COP1: variants seen among roughly 807,000 people sequenced by gnomAD.
COP1 encodes the protein COP1 E3 ubiquitin ligase.
In COP1, 24 loss-of-function variants were observed where a neutral mutation model predicts 101.3. The ratio of observed to expected loss-of-function variants is 0.24; its 90% confidence interval spans 0.17 to 0.33. The LOEUF (loss-of-function observed/expected upper bound fraction) is 0.33, where lower values mean the gene tolerates loss of function less well. COP1 is among the 10% of genes least tolerant of loss of function. The pLI is 1.00. For missense variants in COP1, 663 were observed against 906.2 expected (o/e 0.73, Z 3.45); for synonymous variants, 347 against 341.9 (o/e 1.01, Z -0.17).
chr1:175,948,860 G>A (rs1412934878), intron 18 of COP1, among the ~76,000 whole-genome samples: 1 of 152,020 alleles, frequency 6.6e-6, no homozygotes, highest in Non-Finnish European at 1.5e-5. Context: ...ATTAGCAAAT[G>A]TTCTTAAAAA....
chr1:176,143,752 C>T (rs1455391909), intron 6 of COP1, among the ~76,000 whole-genome samples: 1 of 151,922 alleles, frequency 6.6e-6, no homozygotes, highest in Non-Finnish European at 1.5e-5. Flanking sequence ...ACTAAGACAC[C>T]CCTGGGCCAA....
intron 15 of COP1, among the ~76,000 whole-genome samples, chr1:175,997,096 G>T (rs1050383078): frequency 7.2e-5 from 11 of 151,912 alleles, no homozygotes; most frequent in Non-Finnish European, 1.0e-4. Context: ...ATAATGCCGC[G>T]TACCTACAAC....
intron 11 of COP1, among the ~76,000 whole-genome samples, chr1:176,063,804 G>A (rs1188707382): frequency 6.6e-6 from 1 of 152,122 alleles, no homozygotes; most frequent in Non-Finnish European, 1.5e-5. Context: ...ATACATACCA[G>A]AACTTGTTAT....
At chr1:176,143,032 CAGAG>C (rs1433771839) in intron 6 of COP1, among the ~76,000 whole-genome samples, 1 of 150,804 alleles carries the variant, frequency 6.6e-6, no homozygotes, top group Non-Finnish European at 1.5e-5. Flanking sequence ...ACAAACAAAA[CAGAG>C]AGGAAAAACA....
chr1:176,053,771 A>G (rs913537527), intron 11 of COP1, among the ~76,000 whole-genome samples: 1 of 152,186 alleles, frequency 6.6e-6, no homozygotes, highest in Non-Finnish European at 1.5e-5. Context: ...TCACTCTGTT[A>G]TGTATTTACT....
chr1:176,099,505 GTCTCTCTCTCTCTC>G (rs145354415), intron 9 of COP1, among the ~76,000 whole-genome samples: 11 of 143,904 alleles, frequency 7.6e-5, no homozygotes, highest in South Asian at 4.5e-4. Flanking sequence ...GAGCATATTT[GTCTCTCTCTCTCTC>G]TCTCTCTCTC....
At chr1:175,974,209 A>C (rs1218195750) in intron 18 of COP1, among the ~76,000 whole-genome samples, 1 of 152,198 alleles carries the variant, frequency 6.6e-6, no homozygotes, top group African/African-American at 2.4e-5. Context: ...GGTTGGAAAT[A>C]AGGATGGATT....
chr1:176,121,798 T>C (rs1463073580), intron 8 of COP1, among the ~76,000 whole-genome samples: 2 of 152,132 alleles, frequency 1.3e-5, no homozygotes, highest in Non-Finnish European at 2.9e-5. Context: ...TATAAATAAA[T>C]GTCAGTGATG....
chr1:176,179,930 T>C (rs1190267584), intron 2 of COP1, among the ~76,000 whole-genome samples: 2 of 152,110 alleles, frequency 1.3e-5, no homozygotes, highest in Non-Finnish European at 2.9e-5. Flanking sequence ...GTGATTTTTC[T>C]GCATTGCACT....
chr1:176,028,786 CTCTGTCAT>C (rs1668175551), intron 14 of COP1, among the ~76,000 whole-genome samples: 1 of 144,230 alleles, frequency 6.9e-6, no homozygotes, highest in South Asian at 2.2e-4. Flanking sequence ...GTTCTCCTCA[CTCTGTCAT>C]TCAGGCTGGA....
Position 176,096,701 on chromosome 1 carries a change from A to G in COP1, c.1027-10811T>C, listed in dbSNP as rs192628677. On this transcript the variant is annotated intron_variant, in intron 9 of 19. Transcript: ENST00000367669. ...TTTTCCTTTTTAGAAAATGTTTTAC[A>G]AGGCCAAGACCCCAACTATCACTGT... 7.2e-5 allele frequency among the ~76,000 whole-genome samples: 11 copies of G among 152,294 alleles called. No individual in the cohort carries two copies. In the East Asian group the frequency reaches 2.1e-3, roughly 29 times the overall value.
At chr1:176,019,690 G>GT (rs1666380228) in intron 15 of COP1, among the ~76,000 whole-genome samples, 1 of 151,586 alleles carries the variant, frequency 6.6e-6, no homozygotes, top group Non-Finnish European at 1.5e-5. Flanking sequence ...GTGAAAATAC[G>GT]TTTTTCCAAA....
intron 19 of COP1, 103 bp downstream of exon 19, chr1:175,947,092 T>C: frequency 5.0e-6 from 4 of 795,994 alleles, no homozygotes; most frequent in East Asian, 4.9e-5. Flanking sequence ...GACCCATGAT[T>C]TGGGATGATC....
intron 10 of COP1, among the ~76,000 whole-genome samples, chr1:176,081,540 A>T (rs2481647): frequency 0.75 from 113,990 of 151,522 alleles, 44,734 homozygotes; most frequent in East Asian, 0.92. Flanking sequence ...CTTGGAAAAA[A>T]AATAATAACA....
chr1:175,954,249 T>C (rs372126228), intron 18 of COP1, among the ~76,000 whole-genome samples: 2 of 152,122 alleles, frequency 1.3e-5, no homozygotes, highest in African/African-American at 4.8e-5. Flanking sequence ...AAATGCAACA[T>C]ATCAAAATTT....
chr1:176,079,639 A>G (rs1678735140), intron 11 of COP1, among the ~76,000 whole-genome samples: 1 of 150,480 alleles, frequency 6.6e-6, no homozygotes. Context: ...TCTATAATTA[A>G]AAAAAAAAGG....
intron 18 of COP1, among the ~76,000 whole-genome samples, chr1:175,965,339 T>C (rs895535247): frequency 1.3e-5 from 2 of 152,152 alleles, no homozygotes; most frequent in Non-Finnish European, 2.9e-5. Flanking sequence ...AGATATAAGA[T>C]ATAGGGATTC....
chr1:176,145,527 T>C (rs1415701496), intron 6 of COP1, among the ~76,000 whole-genome samples: 2 of 152,190 alleles, frequency 1.3e-5, no homozygotes, highest in African/African-American at 4.8e-5. Flanking sequence ...TAAATATGTA[T>C]ACTAACATAA....
At chr1:176,053,527 G>C (rs1403938876) in intron 11 of COP1, among the ~76,000 whole-genome samples, 1 of 152,108 alleles carries the variant, frequency 6.6e-6, no homozygotes, top group African/African-American at 2.4e-5. Flanking sequence ...TGGTCTATCA[G>C]TTTTCTTGAC....
Sources: gnomAD v4.1 joint callset for allele counts (sites outside exome capture counted in the v4.1 genomes callset) on GRCh38, gnomAD v4.1.1 for gene constraint, MANE v1.5 for transcripts, NCBI Gene and HGNC (gene_info 2026-07-23, HGNC 2026-07-21) for gene names.